The following CFAP54 variants were observed in gnomAD, a reference collection of about 807,000 sequenced individuals.
CFAP54 encodes cilia- and flagella-associated protein 54.
A neutral mutation model predicts 370.4 loss-of-function variants in CFAP54; 290 were observed. The observed-to-expected ratio is 0.78, with a 90% confidence interval of 0.71 to 0.86. CFAP54 has a LOEUF of 0.86. Among genes scored for constraint, CFAP54 ranks in the 40% least tolerant of loss-of-function variants. CFAP54 has a pLI of 0.00. For missense variants in CFAP54, 3,399 were observed against 3,528.7 expected (o/e 0.96, Z 0.93); for synonymous variants, 1,206 against 1,236.5 (o/e 0.98, Z 0.52).
At chr12:96,726,537 T>C (rs1479947276) in intron 50 of CFAP54, among the ~76,000 whole-genome samples, 1 of 152,228 alleles carries the variant, frequency 6.6e-6, no homozygotes, top group African/African-American at 2.4e-5. Context: ...TTTATCATTT[T>C]TTATTGTGTC....
At chr12:96,549,980 A>G (rs945789068) in intron 15 of CFAP54, among the ~76,000 whole-genome samples, 1 of 152,368 alleles carries the variant, frequency 6.6e-6, no homozygotes, top group Non-Finnish European at 1.5e-5. Flanking sequence ...TAAAAAATGT[A>G]TGAGACACTA....
chr12:96,643,894 A>C (rs527324583), intron 32 of CFAP54, among the ~76,000 whole-genome samples: 1 of 152,188 alleles, frequency 6.6e-6, no homozygotes, highest in Non-Finnish European at 1.5e-5. Flanking sequence ...CCTTTTGGTT[A>C]TGAAAAATAA....
At chr12:96,734,200 T>C (rs1957955371) in intron 50 of CFAP54, among the ~76,000 whole-genome samples, 1 of 152,126 alleles carries the variant, frequency 6.6e-6, no homozygotes, top group African/African-American at 2.4e-5. Context: ...TGCTAAGAAA[T>C]TGGGATGTTA....
Position 96,626,866 on chromosome 12 carries a change from C to G in CFAP54, c.4030C>G (p.Leu1344Val). 1 of 1,423,510 alleles carries G rather than the reference C, an allele frequency of 7.0e-7. No individual in the cohort carries two copies. The highest frequency in any genetic ancestry group is 1.4e-5 in the African/African-American group (1 of 70,640). The allele number at this position is 1,423,510 out of a possible 1,614,324, so 88.2% of individuals were successfully genotyped here. A position where few individuals can be genotyped will look rare whatever the true frequency, so the allele number is the denominator to read the frequency against. Residue 1344 changes from leucine (L) to valine (V), a missense_variant, in exon 30 of 68, where the codon CTA becomes GTA. Around this residue, in one of 3 missense-constraint regions of CFAP54, gnomAD observed 2,796 missense variants for 2,869.7 expected, o/e 0.97. Transcript: ENST00000524981. ...TCTGGAATTCTTTACACAAGTTATG[C>G]TAAAATGCATGAATGAGGAAAAATT... is the stretch of plus-strand genomic sequence containing the variant. ...RFLEFFTQVM[L>V]KCMNEEKFHL...
At chr12:96,512,301 T>TATATATATATATATATATATG (rs1955178631) in intron 4 of CFAP54, among the ~76,000 whole-genome samples, 1 of 31,122 alleles carries the variant, frequency 3.2e-5, no homozygotes, top group East Asian at 1.3e-3. Flanking sequence ...GGAACCAATT[T>TATATATATATATATATATATG]TATATATATA....
At chr12:96,704,425 TAAA>T (rs36091904) in intron 46 of CFAP54, among the ~76,000 whole-genome samples, 1 of 68,360 alleles carries the variant, frequency 1.5e-5, no homozygotes, top group East Asian at 3.6e-4. Flanking sequence ...AGACTCGGTC[TAAA>T]AAAAAAAAAA....
At chr12:96,516,545 A>G (rs921307007) in intron 5 of CFAP54, among the ~76,000 whole-genome samples, 2 of 152,190 alleles carry the variant, frequency 1.3e-5, no homozygotes, top group African/African-American at 4.8e-5. Flanking sequence ...CACCAGCATA[A>G]GCTTAGGGAA....
intron 4 of CFAP54, among the ~76,000 whole-genome samples, chr12:96,512,337 A>G (rs1209166498): frequency 5.2e-5 from 2 of 38,760 alleles, no homozygotes; most frequent in African/African-American, 2.1e-4. Context: ...ATATATATAT[A>G]TATATATATA....
chr12:96,537,912 A>C (rs1266260220), intron 12 of CFAP54, among the ~76,000 whole-genome samples: 1 of 151,756 alleles, frequency 6.6e-6, no homozygotes, highest in African/African-American at 2.4e-5. Flanking sequence ...ACATGGTGAA[A>C]CTCCATATCT....
At chr12:96,543,895 GT>G (rs1390970145) in intron 14 of CFAP54, among the ~76,000 whole-genome samples, 2 of 152,168 alleles carry the variant, frequency 1.3e-5, no homozygotes, top group African/African-American at 4.8e-5. Flanking sequence ...GTATCACTCA[GT>G]TTCTCAGCTT....
intron 64 of CFAP54, among the ~76,000 whole-genome samples, 191 bp downstream of exon 64, chr12:96,812,033 T>TC (rs557998917): frequency 5.7e-4 from 87 of 152,326 alleles, no homozygotes; most frequent in African/African-American, 2.0e-3. Flanking sequence ...CCTGCTTCAT[T>TC]CAAATACCAG....
At chr12:96,612,596 G>C (rs1351670404) in intron 26 of CFAP54, among the ~76,000 whole-genome samples, 1 of 152,154 alleles carries the variant, frequency 6.6e-6, no homozygotes, top group African/African-American at 2.4e-5. Flanking sequence ...AGACTGGCAA[G>C]TTGGATAAAG....
intron 36 of CFAP54, among the ~76,000 whole-genome samples, chr12:96,657,046 A>G (rs2136511940): frequency 6.6e-6 from 1 of 152,306 alleles, no homozygotes; most frequent in South Asian, 2.1e-4. Flanking sequence ...AGCTCTTGTT[A>G]GAGGGGATGT....
chr12:96,836,368 G>A (rs1959186241), intron 66 of CFAP54, among the ~76,000 whole-genome samples: 1 of 152,138 alleles, frequency 6.6e-6, no homozygotes, highest in South Asian at 2.1e-4. Flanking sequence ...ATTGGTTGGG[G>A]CACTAGGCTT....
At chr12:96,547,195 T>A (rs1955649363) in intron 14 of CFAP54, among the ~76,000 whole-genome samples, 1 of 152,218 alleles carries the variant, frequency 6.6e-6, no homozygotes, top group Admixed American at 6.5e-5. Flanking sequence ...ATTTATTTAT[T>A]TATTTTTTGA....
intron 39 of CFAP54, among the ~76,000 whole-genome samples, chr12:96,675,405 T>G (rs1377057828): frequency 6.6e-6 from 1 of 152,166 alleles, no homozygotes; most frequent in Non-Finnish European, 1.5e-5. Flanking sequence ...CTCACACCAG[T>G]TAGAATGGCG....
intron 61 of CFAP54, among the ~76,000 whole-genome samples, chr12:96,785,310 G>GT (rs34713372): frequency 0.019 from 2,770 of 145,782 alleles, 65 homozygotes; most frequent in East Asian, 0.1. Context: ...ATTCCGTGGA[G>GT]TTTTTTTTTT....
At chr12:96,817,328 TACTG>T (rs1958985930) in intron 64 of CFAP54, among the ~76,000 whole-genome samples, 1 of 152,202 alleles carries the variant, frequency 6.6e-6, no homozygotes, top group African/African-American at 2.4e-5. Context: ...TAAAGGGAAT[TACTG>T]AATGAATGAT....
chr12:96,657,962 C>A lies in CFAP54; in HGVS notation c.5181C>A (p.Thr1727=). 1 of 1,613,516 alleles carries A rather than the reference C, an allele frequency of 6.2e-7. No individual in the cohort carries two copies. Among genetic ancestry groups the A allele is most frequent in the Non-Finnish European group, 8.5e-7 (1 of 1,179,740 alleles). ...ATGACAACGGTGGTTCTAGTCTTACCTTTGAGCATCCTTTGGATGATGTAA... is the reference window on the plus strand; with the variant it reads ...ATGACAACGGTGGTTCTAGTCTTACATTTGAGCATCCTTTGGATGATGTAA... ...IKNDNGGSSL[T]FEHPLDDVNV... is the part of the protein sequence containing the mutation. Residue 1727 remains threonine (T), a synonymous_variant, in exon 37 of 68, where the codon ACC becomes ACA. Transcript: ENST00000524981.
Sources: gnomAD v4.1 joint callset for allele counts (sites outside exome capture counted in the v4.1 genomes callset) on GRCh38, gnomAD v4.1.1 for gene constraint, gnomAD v4.1.1 regional missense constraint, MANE v1.5 for transcripts, NCBI Gene and HGNC (gene_info 2026-07-23, HGNC 2026-07-21) for gene names.